The following RILPL2 variants were observed in gnomAD, a reference collection of about 807,000 sequenced individuals.
RILPL2 encodes the protein Rab interacting lysosomal protein like 2.
RILPL2 carries 19 observed loss-of-function variants against 22.2 expected under a neutral mutation model. The ratio of observed to expected loss-of-function variants is 0.86; its 90% CI spans 0.60 to 1.25. The LOEUF (loss-of-function observed/expected upper bound fraction) is 1.25. Among genes scored for constraint, RILPL2 ranks in the 50% most tolerant of loss-of-function variants. RILPL2 has a pLI of 0.00. For missense variants in RILPL2, 243 were observed against 263.6 expected (o/e 0.92, Z 0.54); for synonymous variants, 123 against 111.6 (o/e 1.10, Z -0.64).
intron 3 of RILPL2, among the ~76,000 whole-genome samples, chr12:123,418,664 A>G (rs866631104): frequency 3.3e-5 from 5 of 152,048 alleles, no homozygotes; most frequent in Non-Finnish European, 5.9e-5. Context: ...AAGAGGGCAC[A>G]TATCAGTGTG....
At chr12:123,426,185 A>G (rs935901577) in intron 2 of RILPL2, among the ~76,000 whole-genome samples, 1 of 151,888 alleles carries the variant, frequency 6.6e-6, no homozygotes, top group African/African-American at 2.4e-5. Context: ...GTCTCACTCT[A>G]TCACCCAGGC....
rs1213382922 is a variant in RILPL2 at position 123,423,125 on chromosome 12, C to T, written c.524G>A (p.Gly175Glu). 11 of 1,613,730 alleles carry T rather than the reference C, an allele frequency of 6.8e-6. No individual in the cohort carries two copies. Among genetic ancestry groups the T allele is most frequent in the Non-Finnish European group, 8.5e-6 (10 of 1,179,816 alleles). ...GLIPPREGPGGRREKDAVVTS... is the reference protein window; with the variant it reads ...GLIPPREGPGERREKDAVVTS... Reference sequence around the variant, plus strand: ...AACCACAGCATCTTTTTCTCTTCTTCCTCCTGGGCCTTCTCTTGGTGGAAT... The same window carrying T: ...AACCACAGCATCTTTTTCTCTTCTTTCTCCTGGGCCTTCTCTTGGTGGAAT... The change falls in exon 3 of 4, where the codon GGA becomes GAA. Residue 175 changes from glycine (G) to glutamate (E), a missense_variant. Gly to Glu is a moderately conservative substitution (Grantham distance 98). Transcript: ENST00000280571.
rs571876798 is a variant in RILPL2 at position 123,427,249 on chromosome 12, C to T, written c.491+3259G>A. Among the ~76,000 whole-genome samples the T allele has an allele frequency of 1.2e-4, 19 of 152,234 alleles. No homozygotes were observed. The East Asian group carries it at 2.5e-3, about 20-fold the overall frequency. On this transcript the variant is annotated intron_variant, in intron 2 of 3. Coordinates refer to ENST00000280571, the MANE Select transcript of RILPL2 (RefSeq NM_145058.3). ...CTGGTTCTCCTTCACATGACCTCTC[C>T]ATGGGACTTCCCCTTGAGCTTCCTC...
intron 1 of RILPL2, among the ~76,000 whole-genome samples, chr12:123,431,737 A>T (rs1879657517): frequency 6.6e-6 from 1 of 150,558 alleles, no homozygotes; most frequent in Admixed American, 6.6e-5. Context: ...GAGGCAGGAG[A>T]ACGGTGTGAA....
At chr12:123,425,379 A>C (rs1437777435) in intron 2 of RILPL2, among the ~76,000 whole-genome samples, 1 of 151,542 alleles carries the variant, frequency 6.6e-6, no homozygotes, top group African/African-American at 2.4e-5. Context: ...GGGTTTCACC[A>C]TGTTGGCCAC....
intron 1 of RILPL2, among the ~76,000 whole-genome samples, chr12:123,433,800 A>G (rs1455387707): frequency 6.6e-6 from 1 of 152,164 alleles, no homozygotes; most frequent in Admixed American, 6.6e-5. Context: ...GACCTTGTCT[A>G]CGTTATCTCC....
In RILPL2 at chr12:123,436,431, A is replaced by G; in HGVS notation, c.-11T>C. On this transcript the variant is annotated 5_prime_UTR_variant, in exon 1 of 4. Coordinates refer to ENST00000280571, the MANE Select transcript of RILPL2 (RefSeq NM_145058.3). The surrounding 1 kb of genome is among the most constrained non-coding windows in gnomAD (Gnocchi z 6.7). ...AGGGGGCTCCTCCATGGCCACCCAG[A>G]CCCCCGCCGACCTCGGAGCTGCTGT... 2 of 1,541,062 alleles carry G rather than the reference A, an allele frequency of 1.3e-6. No individual in the cohort carries two copies. The highest frequency in any genetic ancestry group is 1.7e-6 in the Non-Finnish European group (2 of 1,145,542).
rs988869677 is a variant in RILPL2, at chr12:123,430,053, T to C, written c.491+455A>G. On this transcript the variant is annotated intron_variant, in intron 2 of 3. Transcript: ENST00000280571. ...ATCGCTTGAACCCATGAGACAGAGGTTGCAGTGAGCCAAGATCGCACCACT... is the reference window on the plus strand; with the variant it reads ...ATCGCTTGAACCCATGAGACAGAGGCTGCAGTGAGCCAAGATCGCACCACT... 3.0e-5 allele frequency among the ~76,000 whole-genome samples: 4 copies of C among 135,016 alleles called. No individual in the cohort carries two copies. In the East Asian group the frequency reaches 8.9e-4, roughly 30 times the overall value. The allele number at this position is 135,016 out of a possible 152,430, so 88.6% of individuals were successfully genotyped here.
chr12:123,428,172 T>C (rs1364478340), intron 2 of RILPL2, among the ~76,000 whole-genome samples: 2 of 152,194 alleles, frequency 1.3e-5, no homozygotes, highest in Admixed American at 1.3e-4. Context: ...AGTCTCGCTC[T>C]TCCGCCCAGG....
intron 3 of RILPL2, among the ~76,000 whole-genome samples, chr12:123,420,930 TC>T (rs2139236560): frequency 6.6e-6 from 1 of 152,222 alleles, no homozygotes; most frequent in South Asian, 2.1e-4. Flanking sequence ...AGGTCATTGA[TC>T]CTCTCTGACT....
At chr12:123,433,116 T>C (rs1593496149) in intron 1 of RILPL2, among the ~76,000 whole-genome samples, 1 of 151,194 alleles carries the variant, frequency 6.6e-6, no homozygotes, top group East Asian at 1.9e-4. Context: ...TTTTTTTTTT[T>C]TTTTTTGAGA....
At position 123,430,557 on chromosome 12, in the gene RILPL2, G is replaced by A. The variant is rs763338609; in HGVS notation, c.442C>T (p.Leu148Phe). The A allele has an allele frequency of 2.5e-6, 4 of 1,612,938 alleles. No individual in the cohort carries two copies. Among genetic ancestry groups the A allele is most frequent in the Admixed American group, 1.7e-5 (1 of 59,954 alleles). Residue 148 changes from leucine (L) to phenylalanine (F), a missense_variant, in exon 2 of 4, where the codon CTC (leucine) becomes TTC (phenylalanine). By Grantham distance (22) the Leu-to-Phe change is conservative. Transcript: ENST00000280571. ...LRDVLQERNKLKSQLLVVQEE... is the reference protein window; with the variant it reads ...LRDVLQERNKFKSQLLVVQEE... The stretch of plus-strand genomic sequence containing the variant: ...TGCACCACCAGGAGCTGCGACTTGA[G>A]TTTGTTGCGTTCCTGCAGCACATCC...
At position 123,436,546 on chromosome 12, in the gene RILPL2, G is replaced by A. The variant is rs1879810701; in HGVS notation, c.-126C>T. 1.4e-6 allele frequency: 2 copies of A among 1,420,120 alleles called. No individual in the cohort carries two copies. Among genetic ancestry groups the A allele is most frequent in the South Asian group, 1.4e-5 (1 of 69,624 alleles). 88.0% of individuals were successfully genotyped at this position (1,420,120 alleles called of 1,614,324 possible). ...TACCTGCCCAATCAGCGCGGCCCGGGGGTGGGCCCGGGGGGATGGTGCAAG... is the reference window on the plus strand; with the variant it reads ...TACCTGCCCAATCAGCGCGGCCCGGAGGTGGGCCCGGGGGGATGGTGCAAG... On this transcript the variant is annotated 5_prime_UTR_variant, in exon 1 of 4. Coordinates refer to ENST00000280571, the MANE Select transcript of RILPL2 (RefSeq NM_145058.3). The surrounding 1 kb of genome is among the most constrained non-coding windows in gnomAD (Gnocchi z 6.7).
chr12:123,431,804 C>T (rs1879659266), intron 1 of RILPL2, among the ~76,000 whole-genome samples: 3 of 138,758 alleles, frequency 2.2e-5, no homozygotes, highest in South Asian at 2.3e-4. Context: ...CCAGCCTGGG[C>T]GACAGAGCGA....
intron 1 of RILPL2, among the ~76,000 whole-genome samples, chr12:123,431,207 A>C (rs764848581): frequency 2.0e-5 from 3 of 152,160 alleles, no homozygotes; most frequent in Non-Finnish European, 2.9e-5. Flanking sequence ...CCTCCAACAG[A>C]ATATTATTCG....
chr12:123,426,201 T>C (rs922715093), intron 2 of RILPL2, among the ~76,000 whole-genome samples: 1 of 152,150 alleles, frequency 6.6e-6, no homozygotes, highest in African/African-American at 2.4e-5. Context: ...CAGGCTGGAG[T>C]GCAGTGGCAA....
At chr12:123,418,557 A>G (rs1313337629) in intron 3 of RILPL2, among the ~76,000 whole-genome samples, 1 of 152,134 alleles carries the variant, frequency 6.6e-6, no homozygotes, top group African/African-American at 2.4e-5. Context: ...TTCAGCACCT[A>G]CAACAGTGCC....
chr12:123,425,125 C>T (rs573983248), intron 2 of RILPL2, among the ~76,000 whole-genome samples: 7 of 151,800 alleles, frequency 4.6e-5, no homozygotes, highest in South Asian at 2.1e-4. Context: ...GTGATCCGCC[C>T]GCCTCTGCCT....
intron 3 of RILPL2, 139 bp downstream of exon 3, chr12:123,422,905 T>C (rs1879323168): frequency 1.6e-6 from 1 of 642,242 alleles, no homozygotes; most frequent in African/African-American, 1.8e-5. Context: ...GGCATTGAGT[T>C]TTCCCATGGG....
Sources: gnomAD v4.1 joint callset for allele counts (sites outside exome capture counted in the v4.1 genomes callset) on GRCh38, gnomAD v4.1.1 for gene constraint, Gnocchi (gnomAD v3.1) non-coding constraint, MANE v1.5 for transcripts, NCBI Gene and HGNC (gene_info 2026-07-23, HGNC 2026-07-21) for gene names.